MSI2: variants seen among roughly 807,000 people sequenced by gnomAD.
The protein encoded by MSI2 is RNA-binding protein Musashi homolog 2.
A neutral mutation model predicts 45.6 loss-of-function variants in MSI2; 17 were observed. The ratio of observed to expected loss-of-function variants is 0.37; its 90% CI spans 0.26 to 0.56. The LOEUF is 0.56. MSI2 is among the 20% of genes least tolerant of loss of function. The pLI is 0.77. For synonymous variants in MSI2, 156 were observed against 158.2 expected (o/e 0.99, Z 0.11); for missense variants, 293 against 444.2 (o/e 0.66, Z 3.06).
chr17:57,673,138 G>T (rs1912940546), intron 11 of MSI2, among the ~76,000 whole-genome samples: 1 of 152,228 alleles, frequency 6.6e-6, no homozygotes, highest in Non-Finnish European at 1.5e-5. Context: ...GGCCCAGCTT[G>T]ATTTGGTCTC....
the MSI2 span, among the ~76,000 whole-genome samples, chr17:57,695,036 G>GA: frequency 6.6e-6 from 1 of 152,166 alleles, no homozygotes; most frequent in Non-Finnish European, 1.5e-5. Context: ...TTTCATTGAG[G>GA]AAAAATCATC....
intron 6 of MSI2, among the ~76,000 whole-genome samples, chr17:57,502,636 T>TATATATATATATATATATATAGAGAG: frequency 6.2e-5 from 6 of 96,898 alleles, no homozygotes; most frequent in Non-Finnish European, 8.6e-5. Context: ...TATATATATA[T>TATATATATATATATATATATAGAGAG]AGTCATCATT....
At chr17:57,402,446 C>G (rs1033513535) in intron 6 of MSI2, among the ~76,000 whole-genome samples, 1 of 152,192 alleles carries the variant, frequency 6.6e-6, no homozygotes. Context: ...GCTGCTGAGG[C>G]GTCCTGAGAA....
intron 6 of MSI2, among the ~76,000 whole-genome samples, chr17:57,512,414 A>G (rs1005952003): frequency 2.0e-5 from 3 of 152,192 alleles, no homozygotes; most frequent in Non-Finnish European, 2.9e-5. Context: ...TTAGGGTAAT[A>G]GCTCTGAAGC....
chr17:57,389,613 GT>G (rs749378200), intron 5 of MSI2, among the ~76,000 whole-genome samples: 6 of 152,320 alleles, frequency 3.9e-5, no homozygotes, highest in Middle Eastern at 3.4e-3. Flanking sequence ...TTGGCACATA[GT>G]GGGTCCTCAC....
chr17:57,572,149 C>T (rs1199452643), intron 7 of MSI2, among the ~76,000 whole-genome samples: 1 of 152,180 alleles, frequency 6.6e-6, no homozygotes, highest in Non-Finnish European at 1.5e-5. Context: ...CAAGCCAGAG[C>T]CTGCTGGGAA....
chr17:57,295,567 A>G (rs1186522261), intron 5 of MSI2, among the ~76,000 whole-genome samples: 4 of 152,152 alleles, frequency 2.6e-5, no homozygotes, highest in Non-Finnish European at 5.9e-5. Flanking sequence ...AATAGGCTCT[A>G]TCTGTTAAGG....
intron 7 of MSI2, among the ~76,000 whole-genome samples, chr17:57,587,751 T>C (rs1904440191): frequency 6.6e-6 from 1 of 152,084 alleles, no homozygotes; most frequent in South Asian, 2.1e-4. Flanking sequence ...CAGGAAGAAA[T>C]ATGACCAGGC....
At chr17:57,633,448 C>T (rs763008969) in intron 10 of MSI2, among the ~76,000 whole-genome samples, 1 of 152,258 alleles carries the variant, frequency 6.6e-6, no homozygotes, top group Admixed American at 6.5e-5. Flanking sequence ...TCCTCCGCCA[C>T]GGCTCCCCTC....
chr17:57,524,551 G>C (rs2144030517), intron 6 of MSI2, among the ~76,000 whole-genome samples: 1 of 152,336 alleles, frequency 6.6e-6, no homozygotes, highest in East Asian at 1.9e-4. Context: ...CTAGACATGA[G>C]TTTATCTGTG....
At chr17:57,374,620 T>A (rs952730292) in intron 5 of MSI2, among the ~76,000 whole-genome samples, 4 of 151,826 alleles carry the variant, frequency 2.6e-5, no homozygotes, top group African/African-American at 9.7e-5. Context: ...CTACTAATGA[T>A]ACAAAAAATT....
chr17:57,608,774 T>G (rs1906929936), intron 8 of MSI2, among the ~76,000 whole-genome samples: 1 of 152,244 alleles, frequency 6.6e-6, no homozygotes, highest in South Asian at 2.1e-4. Flanking sequence ...TGAACTCTGA[T>G]CAAGGGCTTG....
At chr17:57,282,517 A>G (rs1598067035) in intron 5 of MSI2, among the ~76,000 whole-genome samples, 2 of 152,138 alleles carry the variant, frequency 1.3e-5, no homozygotes, top group African/African-American at 4.8e-5. Flanking sequence ...ATCTTTCAGG[A>G]TTGGAGGATG....
chr17:57,541,271 G>C (rs1452622490), intron 7 of MSI2, among the ~76,000 whole-genome samples: 2 of 152,116 alleles, frequency 1.3e-5, no homozygotes, highest in African/African-American at 4.8e-5. Context: ...GTACAGTTAT[G>C]AGTTGTCAGA....
At chr17:57,364,887 T>A (rs1441318726) in intron 5 of MSI2, 1 of 152,124 alleles carries the variant, frequency 6.6e-6, no homozygotes, top group Non-Finnish European at 1.5e-5. Flanking sequence ...CTGGGTTATT[T>A]ATTTATTCAT....
chr17:57,286,382 G>A (rs549711914), intron 5 of MSI2, among the ~76,000 whole-genome samples: 7 of 152,180 alleles, frequency 4.6e-5, no homozygotes, highest in Non-Finnish European at 1.0e-4. Context: ...CTCGACGGTC[G>A]CTAATAAGAA....
chr17:57,694,450 T>C, the MSI2 span, among the ~76,000 whole-genome samples: 2 of 152,214 alleles, frequency 1.3e-5, no homozygotes, highest in Non-Finnish European at 2.9e-5. Flanking sequence ...AGGAGATTCC[T>C]CTTAGTCTGG....
intron 7 of MSI2, among the ~76,000 whole-genome samples, chr17:57,547,598 C>G (rs2087198319): frequency 6.6e-6 from 1 of 151,936 alleles, no homozygotes; most frequent in Non-Finnish European, 1.5e-5. Context: ...TTGGGTTGAG[C>G]TCTTGAGGGA....
In MSI2 at chr17:57,324,785, T is replaced by G. The variant is rs1913645807; in HGVS notation, c.312+62593T>G. ...GTGGCTCAGAAGGGCATGTGACAAG[T>G]GCTGTCCCCACCTCACTGACCCACT... On this transcript the variant is annotated intron_variant, in intron 5 of 13. Coordinates refer to ENST00000284073, the MANE Select transcript of MSI2 (RefSeq NM_138962.4). Among the ~76,000 whole-genome samples the G allele has an allele frequency of 1.3e-5, 2 of 152,182 alleles. 1 individual carries two copies. Among genetic ancestry groups the G allele is most frequent in the South Asian group, 4.1e-4 (2 of 4,832 alleles).
Sources: gnomAD v4.1 joint callset for allele counts (sites outside exome capture counted in the v4.1 genomes callset) on GRCh38, gnomAD v4.1.1 for gene constraint, MANE v1.5 for transcripts, NCBI Gene and HGNC (gene_info 2026-07-23, HGNC 2026-07-21) for gene names.